Variants in SMARCA5 observed in about 807,000 individuals in gnomAD.
SMARCA5 encodes SNF2 related chromatin remodeling ATPase 5.
SMARCA5 carries 18 observed loss-of-function variants against 140.4 expected under a neutral mutation model. The observed-to-expected ratio is 0.13, with a 90% CI of 0.09 to 0.19. The LOEUF (loss-of-function observed/expected upper bound fraction) is 0.19, where lower values mean the gene tolerates loss of function less well. Ranked by LOEUF, SMARCA5 falls within the 10% of genes least tolerant of loss-of-function variation. SMARCA5 has a pLI of 1.00. For synonymous variants in SMARCA5, 449 were observed against 419.6 expected, an observed-to-expected ratio of 1.07 and a Z score of -0.86; for missense variants, 606 against 1,276.8, an observed-to-expected ratio of 0.47 and a Z score of 8.01.
chr4:143,543,396 T>C, intron 14 of SMARCA5, 113 bp from the exon 15 acceptor site: 1 of 874,494 alleles, frequency 1.1e-6, no homozygotes, highest in South Asian at 1.9e-5. Flanking sequence ...TAAACAGAAA[T>C]GATTGACATT....
chr4:143,520,489 T>G (rs1168558953), intron 2 of SMARCA5, among the ~76,000 whole-genome samples: 4 of 152,198 alleles, frequency 2.6e-5, no homozygotes, highest in Non-Finnish European at 5.9e-5. Context: ...TGGGCTTCAG[T>G]TTTTACATTG....
In SMARCA5 at chr4:143,554,860, A is replaced by G. The variant is rs72938242; in HGVS notation, c.*1676A>G. The G allele has an allele frequency of 2.0e-3, 436 of 217,722 alleles. 5 individuals carry two copies. The highest frequency in any genetic ancestry group is 9.1e-3 in the African/African-American group (393 of 43,110). 13.5% of individuals were successfully genotyped at this position (217,722 alleles called of 1,614,324 possible). The stretch of plus-strand genomic sequence containing the variant: ...GGAGGAGAAACTGGGAGGGAGATAC[A>G]CAGTGGAAATGCAAAATGAATCAAG... On this transcript the variant is annotated 3_prime_UTR_variant, in exon 24 of 24. Transcript: ENST00000283131.
At chr4:143,547,608 A>G (rs1737553620) in intron 21 of SMARCA5, 105 bp downstream of exon 21, 1 of 690,534 alleles carries the variant, frequency 1.4e-6, no homozygotes, top group African/African-American at 1.8e-5. Flanking sequence ...TTTACAATTT[A>G]AAATTTCTTC....
At chr4:143,541,098 A>C (rs1378537723) in intron 14 of SMARCA5, among the ~76,000 whole-genome samples, 1 of 152,158 alleles carries the variant, frequency 6.6e-6, no homozygotes, top group African/African-American at 2.4e-5. Context: ...GTAGGGGGTG[A>C]GAGTGGGATT....
chr4:143,528,067 G>T, intron 7 of SMARCA5, 44 bp downstream of exon 7: 2 of 1,440,012 alleles, frequency 1.4e-6, no homozygotes, highest in South Asian at 1.4e-5. Context: ...GTAAGAATTT[G>T]ATTAAAGTAC....
chr4:143,550,075 G>T lies in SMARCA5; in HGVS notation c.3064G>T (p.Glu1022Ter). 6.3e-7 allele frequency: 1 copy of T among 1,585,866 alleles called. No individual in the cohort carries two copies. The highest frequency in any genetic ancestry group is 1.2e-5 in the South Asian group (1 of 85,776). ...GGAACTAGAAGAAAAGGAGAAGGCA[G>T]AGAAAAAGAAACGAGGACCAAAGCC... is the stretch of plus-strand genomic sequence containing the variant. ...NMELEEKEKA[E>*]KKKRGPKPST... Residue 1022 changes from glutamate (E) to a stop codon, truncating the protein, a stop_gained, in exon 23 of 24, where the codon GAG becomes TAG. Transcript: ENST00000283131. LOFTEE classifies it high-confidence loss of function.
At chr4:143,547,560 TGA>T in intron 21 of SMARCA5, 57 bp downstream of exon 21, 1 of 883,236 alleles carries the variant, frequency 1.1e-6, no homozygotes, top group Admixed American at 2.0e-5. Flanking sequence ...GCTGTGAGTA[TGA>T]GAGAGTGACT....
At chr4:143,521,893 C>CAAAAAAAAAAAAAAAAAAAAAAAAAAA (rs58679947) in intron 3 of SMARCA5, among the ~76,000 whole-genome samples, 1 of 44,808 alleles carries the variant, frequency 2.2e-5, no homozygotes. Flanking sequence ...CCCATCTCTA[C>CAAAAAAAAAAAAAAAAAAAAAAAAAAA]AAAAAAAAAA....
At chr4:143,531,453 A>G (rs979156039) in intron 9 of SMARCA5, among the ~76,000 whole-genome samples, 1 of 152,222 alleles carries the variant, frequency 6.6e-6, no homozygotes, top group Admixed American at 6.5e-5. Flanking sequence ...GACCTAACTC[A>G]GGAATTCTCA....
chr4:143,537,779 A>C (rs543180884), intron 11 of SMARCA5, among the ~76,000 whole-genome samples: 1 of 152,148 alleles, frequency 6.6e-6, no homozygotes, highest in South Asian at 2.1e-4. Context: ...TTAGCTGGGC[A>C]TGGTGGCATG....
At chr4:143,543,760 A>C (rs1368632481) in intron 15 of SMARCA5, 93 bp from the exon 16 acceptor site, 6 of 1,514,316 alleles carry the variant, frequency 4.0e-6, no homozygotes, top group Non-Finnish European at 5.4e-6. Context: ...CCTTAAAGAG[A>C]AGCTTTTGTG....
intron 16 of SMARCA5, 27 bp downstream of exon 16, chr4:143,543,999 A>T: frequency 6.8e-7 from 1 of 1,475,028 alleles, no homozygotes; most frequent in Non-Finnish European, 9.0e-7. Context: ...TTTGGGTTAC[A>T]TGAAAGCTTT....
At chr4:143,524,067 A>T in intron 3 of SMARCA5, among the ~76,000 whole-genome samples, 1 of 152,200 alleles carries the variant, frequency 6.6e-6, no homozygotes, top group East Asian at 1.9e-4. Context: ...ACACTTTAAA[A>T]TTCAAATAAT....
chr4:143,548,341 A>G (rs1021531907), intron 22 of SMARCA5: 1 of 393,794 alleles, frequency 2.5e-6, no homozygotes, highest in South Asian at 1.0e-4. Context: ...AAATATCACT[A>G]TATGATAAGA....
rs1293039024 is a variant in SMARCA5 at position 143,545,942 on chromosome 4, G to A, written c.2415G>A (p.Glu805=). 1 of 1,602,632 alleles carries A rather than the reference G, an allele frequency of 6.2e-7. No homozygotes were observed. The highest frequency in any genetic ancestry group is 1.7e-4 in the Middle Eastern group (1 of 6,030). The change falls in exon 19 of 24, where the codon GAG becomes GAA. Residue 805 remains glutamate (E), a synonymous_variant. Coordinates refer to ENST00000283131, the MANE Select transcript of SMARCA5 (RefSeq NM_003601.4). Reference sequence around the variant, plus strand: ...TCTTTTAGGTACCTCGAAATCCTGAGCTGCCTAATGCAGCACAGGCACAAA... The same window carrying A: ...TCTTTTAGGTACCTCGAAATCCTGAACTGCCTAATGCAGCACAGGCACAAA... ...TIGYKVPRNP[E]LPNAAQAQKE...
At chr4:143,541,504 C>A (rs6852675) in intron 14 of SMARCA5, among the ~76,000 whole-genome samples, 12 of 152,336 alleles carry the variant, frequency 7.9e-5, no homozygotes, top group Non-Finnish European at 1.5e-4. Flanking sequence ...AATCGTTTCC[C>A]TTAATAAAGT....
At position 143,546,919 on chromosome 4, in the gene SMARCA5, T is replaced by G. The variant is rs1462779948; in HGVS notation, c.2653+11T>G. ...TCATTGAATATTCAGGTAATTCTTT[T>G]AAGCAGGCTGTTGGAGTTTAGTAAG... On this transcript the variant is annotated intron_variant, in intron 20 of 23. Transcript: ENST00000283131. 1 of 1,611,694 alleles carries G rather than the reference T, an allele frequency of 6.2e-7. No individual in the cohort carries two copies. The highest frequency in any genetic ancestry group is 8.5e-7 in the Non-Finnish European group (1 of 1,178,544).
chr4:143,544,642 G>A, intron 16 of SMARCA5, 95 bp from the exon 17 acceptor site: 2 of 723,458 alleles, frequency 2.8e-6, no homozygotes, highest in Non-Finnish European at 4.8e-6. Context: ...CCAGGATTTT[G>A]TGAATATCTT....
In SMARCA5 at chr4:143,553,671, C is replaced by A. The variant is rs1737689638; in HGVS notation, c.*487C>A. 6.6e-6 allele frequency: 1 copy of A among 152,670 alleles called. No individual in the cohort carries two copies. Among genetic ancestry groups the A allele is most frequent in the Admixed American group, 6.5e-5 (1 of 15,344 alleles). 9.5% of individuals were successfully genotyped at this position (152,670 alleles called of 1,614,324 possible). A position where few individuals can be genotyped will look rare whatever the true frequency, so the allele number is the denominator to read the frequency against. On this transcript the variant is annotated 3_prime_UTR_variant, in exon 24 of 24. Transcript: ENST00000283131. ...GGAAAGATTATATAAATTGCATTCT[C>A]CTTGCTTATGTGGGTAGAATGGGAA...
Sources: gnomAD v4.1 joint callset for allele counts (sites outside exome capture counted in the v4.1 genomes callset) on GRCh38, gnomAD v4.1.1 for gene constraint, MANE v1.5 for transcripts, NCBI Gene and HGNC (gene_info 2026-07-23, HGNC 2026-07-21) for gene names.